Variants in COL22A1 observed in about 807,000 individuals in gnomAD.
The protein encoded by COL22A1 is collagen alpha-1(XXII) chain.
COL22A1 carries 221 observed loss-of-function variants against 248.9 expected under a neutral mutation model. That is an observed-to-expected ratio of 0.89 (90% CI 0.80 to 0.99). The LOEUF (loss-of-function observed/expected upper bound fraction) is 0.99. Among genes scored for constraint, COL22A1 ranks in the 50% least tolerant of loss-of-function variants. COL22A1 has a pLI of 0.00. For synonymous variants in COL22A1, 891 were observed against 793.4 expected (o/e 1.12, Z -2.07); for missense variants, 2,240 against 2,179.0 (o/e 1.03, Z -0.56).
chr8:138,859,817 G>C (rs953844689), intron 3 of COL22A1, among the ~76,000 whole-genome samples: 2 of 152,198 alleles, frequency 1.3e-5, no homozygotes, highest in African/African-American at 4.8e-5. Context: ...CTGCATGGCT[G>C]TGAGCCGCCG....
intron 32 of COL22A1, among the ~76,000 whole-genome samples, chr8:138,699,204 C>G (rs576931647): frequency 6.6e-6 from 1 of 152,314 alleles, no homozygotes; most frequent in Admixed American, 6.5e-5. Flanking sequence ...AGGATGCCCC[C>G]ATCTCCCCAT....
At chr8:138,772,825 T>G (rs1834494347) in intron 16 of COL22A1, among the ~76,000 whole-genome samples, 1 of 152,164 alleles carries the variant, frequency 6.6e-6, no homozygotes, top group Non-Finnish European at 1.5e-5. Flanking sequence ...ATCGCACCAC[T>G]GACTCCAGCC....
chr8:138,693,991 C>G (rs1470553239), intron 34 of COL22A1, among the ~76,000 whole-genome samples: 3 of 152,094 alleles, frequency 2.0e-5, no homozygotes, highest in Non-Finnish European at 1.5e-5. Context: ...GGCAAGGTCC[C>G]CAGTCACCCC....
In COL22A1 at chr8:138,602,161, T is replaced by C. The variant is rs748541438; in HGVS notation, c.4141-2A>G. ...CTCTCCAGGCTTCCCAGGGACCCCC[T>C]GCAAGGAGAAAGAAAGGACAGTCAT... On this transcript the variant is annotated splice_acceptor_variant, in intron 59 of 64. Transcript: ENST00000303045. LOFTEE classifies it high-confidence loss of function. 2 of 1,614,044 alleles carry C rather than the reference T, an allele frequency of 1.2e-6. No homozygotes were observed. The highest frequency in any genetic ancestry group is 1.7e-6 in the Non-Finnish European group (2 of 1,179,972).
chr8:138,872,421 G>T (rs1823409455), intron 3 of COL22A1, among the ~76,000 whole-genome samples: 1 of 152,144 alleles, frequency 6.6e-6, no homozygotes, highest in Admixed American at 6.5e-5. Context: ...TGCAGCAAGG[G>T]ACTCCCTGGC....
At chr8:138,810,458 G>A (rs1185821867) in intron 9 of COL22A1, among the ~76,000 whole-genome samples, 1 of 152,196 alleles carries the variant, frequency 6.6e-6, no homozygotes, top group African/African-American at 2.4e-5. Flanking sequence ...GCCTGCCGGG[G>A]GTGGGTGGAG....
intron 56 of COL22A1, among the ~76,000 whole-genome samples, chr8:138,611,079 A>G (rs1037584939): frequency 6.6e-6 from 1 of 152,126 alleles, no homozygotes; most frequent in African/African-American, 2.4e-5. Flanking sequence ...AAAAGAAGTC[A>G]CTTCGCTTTC....
At chr8:138,899,378 T>C (rs901255623) in intron 1 of COL22A1, among the ~76,000 whole-genome samples, 3 of 152,112 alleles carry the variant, frequency 2.0e-5, no homozygotes, top group Non-Finnish European at 4.4e-5. Flanking sequence ...AATAAGAAGA[T>C]CTGGTTTAGC....
chr8:138,669,572 G>A (rs898756700), intron 41 of COL22A1, among the ~76,000 whole-genome samples: 6 of 152,158 alleles, frequency 3.9e-5, no homozygotes, highest in Non-Finnish European at 7.3e-5. Flanking sequence ...CAAGATCAAC[G>A]CAGGTTCAAA....
At chr8:138,613,501 G>A (rs543777292) in intron 56 of COL22A1, among the ~76,000 whole-genome samples, 9 of 152,266 alleles carry the variant, frequency 5.9e-5, no homozygotes, top group African/African-American at 1.4e-4. Context: ...TTTCTGCCAC[G>A]TACCACATTC....
In COL22A1 at chr8:138,703,294, G is replaced by A. The variant is rs201466387; in HGVS notation, c.2559+12C>T. 4.7e-5 allele frequency: 75 copies of A among 1,610,110 alleles called. No individual in the cohort carries two copies. In the Middle Eastern group the frequency reaches 6.6e-4, roughly 14 times the overall value. On this transcript the variant is annotated intron_variant, in intron 31 of 64. Coordinates refer to ENST00000303045, the MANE Select transcript of COL22A1 (RefSeq NM_152888.3). Reference sequence around the variant, plus strand: ...ATTCAGAGGAGAAAGAATTAGAAGCGGAGTAACTTACAGTTCCAGGTAACC... The same window carrying A: ...ATTCAGAGGAGAAAGAATTAGAAGCAGAGTAACTTACAGTTCCAGGTAACC...
In COL22A1 at chr8:138,660,977, C is replaced by T. The variant is rs576500831; in HGVS notation, c.3241-497G>A. Among the ~76,000 whole-genome samples the T allele has an allele frequency of 3.8e-3, 81 of 21,170 alleles. No homozygotes were observed. The Middle Eastern group carries it at 0.17, about 44-fold the overall frequency. 13.9% of individuals were successfully genotyped at this position (21,170 alleles called of 152,430 possible). ...ACAGACACACACGCACACACACATA[C>T]ACACACACATACACACATACACATA... On this transcript the variant is annotated intron_variant, in intron 43 of 64. Transcript: ENST00000303045.
chr8:138,798,966 G>A (rs1816779334), intron 11 of COL22A1, among the ~76,000 whole-genome samples: 1 of 151,924 alleles, frequency 6.6e-6, no homozygotes. Flanking sequence ...ATTCCCAGTA[G>A]GTGCAGATTC....
intron 3 of COL22A1, among the ~76,000 whole-genome samples, chr8:138,856,096 C>T (rs1167727728): frequency 6.6e-6 from 1 of 152,212 alleles, no homozygotes; most frequent in Non-Finnish European, 1.5e-5. Context: ...GGGGGGCCTG[C>T]TCATTAGCAG....
chr8:138,754,794 A>G (rs1832858692), intron 21 of COL22A1, among the ~76,000 whole-genome samples: 1 of 152,242 alleles, frequency 6.6e-6, no homozygotes, highest in South Asian at 2.1e-4. Flanking sequence ...GAAGTGATTC[A>G]GTCGGCATGT....
intron 19 of COL22A1, 117 bp downstream of exon 19, chr8:138,755,668 C>A: frequency 7.3e-7 from 1 of 1,375,554 alleles, no homozygotes; most frequent in Non-Finnish European, 1.0e-6. Flanking sequence ...TGTTGAAAGC[C>A]TTCTATCCAA....
intron 64 of COL22A1, 21 bp downstream of exon 64, chr8:138,591,403 A>G (rs1193881440): frequency 6.4e-7 from 1 of 1,558,824 alleles, no homozygotes; most frequent in Non-Finnish European, 8.7e-7. Flanking sequence ...CCTACCCCTG[A>G]GACTGCAGAA....
intron 47 of COL22A1, among the ~76,000 whole-genome samples, chr8:138,643,639 TAGATAGATAGAC>T (rs1393285053): frequency 9.7e-5 from 9 of 92,364 alleles, no homozygotes; most frequent in African/African-American, 2.3e-4. Flanking sequence ...GATAGATAGA[TAGATAGATAGAC>T]AGATAGATAG....
intron 1 of COL22A1, among the ~76,000 whole-genome samples, chr8:138,888,785 C>G (rs926983532): frequency 2.0e-5 from 3 of 152,180 alleles, no homozygotes; most frequent in Non-Finnish European, 4.4e-5. Flanking sequence ...TCGCCCAGCC[C>G]TCTCATGCTT....
Sources: allele counts gnomAD v4.1 joint callset (sites outside exome capture counted in the v4.1 genomes callset), GRCh38; gene constraint gnomAD v4.1.1; transcripts MANE v1.5; gene names NCBI Gene and HGNC (gene_info 2026-07-23, HGNC 2026-07-21).